The following TBCK variants were observed in gnomAD, a reference collection of about 807,000 sequenced individuals.
TBCK encodes TBC1 domain containing kinase.
A neutral mutation model predicts 113.4 loss-of-function variants in TBCK; 99 were observed. That is an observed-to-expected ratio of 0.87 (90% CI 0.74 to 1.03). The LOEUF is 1.03. Ranked by LOEUF, TBCK falls within the 50% of genes least tolerant of loss-of-function variation. The pLI, the probability that TBCK is intolerant of heterozygous loss-of-function variation, is 0.00. For missense variants in TBCK, 1,045 were observed against 1,061.3 expected (o/e 0.98, Z 0.21); for synonymous variants, 369 against 370.8 (o/e 1.00, Z 0.05).
chr4:106,254,414 A>C (rs1399577266), intron 5 of TBCK, among the ~76,000 whole-genome samples: 3 of 152,222 alleles, frequency 2.0e-5, no homozygotes, highest in African/African-American at 7.2e-5. Flanking sequence ...TTTACTGCAC[A>C]GTTGTTCTTT....
intron 22 of TBCK, among the ~76,000 whole-genome samples, chr4:106,172,332 A>T (rs1751125718): frequency 6.6e-6 from 1 of 152,056 alleles, no homozygotes; most frequent in African/African-American, 2.4e-5. Flanking sequence ...ACAACTCTAT[A>T]TTGTTTGTGT....
At chr4:106,300,006 G>A (rs919709587) in intron 2 of TBCK, among the ~76,000 whole-genome samples, 4 of 152,172 alleles carry the variant, frequency 2.6e-5, no homozygotes, top group Non-Finnish European at 5.9e-5. Context: ...TTGTGGGAGG[G>A]ACCCAGTGGG....
intron 19 of TBCK, among the ~76,000 whole-genome samples, chr4:106,222,821 C>T (rs1208689928): frequency 6.6e-6 from 1 of 151,900 alleles, no homozygotes; most frequent in Non-Finnish European, 1.5e-5. Flanking sequence ...TTTGGCCTAT[C>T]TAGTAAAGGC....
intron 22 of TBCK, among the ~76,000 whole-genome samples, chr4:106,179,508 T>C (rs1752079687): frequency 6.6e-6 from 1 of 152,108 alleles, no homozygotes; most frequent in African/African-American, 2.4e-5. Flanking sequence ...CATTGACCCA[T>C]TTGCTATTCA....
intron 25 of TBCK, among the ~76,000 whole-genome samples, chr4:106,048,432 G>C (rs895709560): frequency 6.6e-6 from 1 of 152,084 alleles, no homozygotes; most frequent in Admixed American, 6.6e-5. Flanking sequence ...ATGTTGAAGA[G>C]AAACAGTGCT....
At chr4:106,231,008 T>C (rs546366108) in intron 18 of TBCK, among the ~76,000 whole-genome samples, 5 of 151,726 alleles carry the variant, frequency 3.3e-5, no homozygotes, top group Non-Finnish European at 5.9e-5. Flanking sequence ...AAATTTCATT[T>C]CTCTGGGATT....
chr4:106,229,807 C>G (rs1402509567), intron 19 of TBCK, among the ~76,000 whole-genome samples: 1 of 151,320 alleles, frequency 6.6e-6, no homozygotes, highest in Non-Finnish European at 1.5e-5. Flanking sequence ...CTATTACTTC[C>G]AAAAAAGAGT....
intron 23 of TBCK, among the ~76,000 whole-genome samples, chr4:106,124,379 A>T (rs1046984228): frequency 2.4e-4 from 37 of 152,226 alleles, no homozygotes; most frequent in Non-Finnish European, 1.6e-4. Flanking sequence ...GTGGAGAAAT[A>T]GGGACATTTT....
chr4:106,197,539 C>T (rs1754408364), intron 20 of TBCK, among the ~76,000 whole-genome samples: 1 of 150,434 alleles, frequency 6.6e-6, no homozygotes, highest in South Asian at 2.1e-4. Flanking sequence ...ATGAAAACAA[C>T]AAAACAAAAC....
At chr4:106,213,173 A>G (rs1341031835) in intron 19 of TBCK, among the ~76,000 whole-genome samples, 1 of 152,184 alleles carries the variant, frequency 6.6e-6, no homozygotes, top group African/African-American at 2.4e-5. Flanking sequence ...GAATGTTCAG[A>G]AAGTGTAGCA....
intron 3 of TBCK, among the ~76,000 whole-genome samples, chr4:106,274,618 G>A (rs1763821727): frequency 6.6e-6 from 1 of 152,116 alleles, no homozygotes; most frequent in African/African-American, 2.4e-5. Flanking sequence ...AAAAGGTCAG[G>A]GTAGGTAAAT....
At chr4:106,175,746 C>A (rs956312646) in intron 22 of TBCK, among the ~76,000 whole-genome samples, 1 of 152,104 alleles carries the variant, frequency 6.6e-6, no homozygotes. Context: ...CTGCCTCTTT[C>A]TACACCAAAT....
At position 106,316,163 on chromosome 4, in the gene TBCK, C is replaced by T; in HGVS notation, c.-262G>A. 1 of 168,762 alleles carries T rather than the reference C, an allele frequency of 5.9e-6. No homozygotes were observed. Among genetic ancestry groups the T allele is most frequent in the Non-Finnish European group, 1.3e-5 (1 of 78,530 alleles). 10.5% of individuals were successfully genotyped at this position (168,762 alleles called of 1,614,324 possible). ...AACCTTCGCGGAACCCGGCGAGGAGCGCAAGCCTGGCCTTCCCCAAACACA... is the reference window on the plus strand; with the variant it reads ...AACCTTCGCGGAACCCGGCGAGGAGTGCAAGCCTGGCCTTCCCCAAACACA... On this transcript the variant is annotated 5_prime_UTR_variant, in exon 1 of 26. Transcript: ENST00000394708.
chr4:106,175,965 C>G (rs1387697641), intron 22 of TBCK, among the ~76,000 whole-genome samples: 1 of 152,090 alleles, frequency 6.6e-6, no homozygotes, highest in Non-Finnish European at 1.5e-5. Flanking sequence ...AGGGTCCAAA[C>G]TTTGCCTATA....
At chr4:106,243,965 C>T (rs1760468137) in intron 11 of TBCK, among the ~76,000 whole-genome samples, 1 of 152,136 alleles carries the variant, frequency 6.6e-6, no homozygotes, top group African/African-American at 2.4e-5. Flanking sequence ...GGATCACAGG[C>T]ATGATCCACC....
rs1578731612 is a variant in TBCK at position 106,042,297 on chromosome 4, T to G, written c.*4273A>C. ...GAAATATCTGCCAACCCTTTCTATA[T>G]AGTCAAGGCAGCAGTCTTCTCTCCT... On this transcript the variant is annotated 3_prime_UTR_variant, in exon 26 of 26. Coordinates refer to ENST00000394708, the MANE Select transcript of TBCK (RefSeq NM_001163435.3). The G allele has an allele frequency of 6.6e-6, 1 of 152,334 alleles. No individual in the cohort carries two copies. Among genetic ancestry groups the G allele is most frequent in the African/African-American group, 2.4e-5 (1 of 41,582 alleles). The allele number at this position is 152,334 out of a possible 1,614,324, so 9.4% of individuals were successfully genotyped here.
At chr4:106,265,442 G>T (rs961093008) in intron 3 of TBCK, among the ~76,000 whole-genome samples, 4 of 151,494 alleles carry the variant, frequency 2.6e-5, no homozygotes, top group African/African-American at 9.7e-5. Context: ...CAGTCATCCC[G>T]TTGTATTAAC....
At chr4:106,168,692 A>G (rs904928645) in intron 23 of TBCK, among the ~76,000 whole-genome samples, 5 of 151,942 alleles carry the variant, frequency 3.3e-5, no homozygotes, top group African/African-American at 1.2e-4. Flanking sequence ...GTATACCTGC[A>G]ATGTACAAAT....
At chr4:106,091,291 C>G (rs956080823) in intron 25 of TBCK, among the ~76,000 whole-genome samples, 2 of 152,164 alleles carry the variant, frequency 1.3e-5, no homozygotes, top group Non-Finnish European at 2.9e-5. Flanking sequence ...ACAACGAGCT[C>G]TCATGTGAAC....
Sources: gnomAD v4.1 joint callset for allele counts (sites outside exome capture counted in the v4.1 genomes callset) on GRCh38, gnomAD v4.1.1 for gene constraint, MANE v1.5 for transcripts, NCBI Gene and HGNC (gene_info 2026-07-23, HGNC 2026-07-21) for gene names.